Variants in EEFSEC observed in about 807,000 individuals in gnomAD.
EEFSEC encodes the protein selenocysteine-specific elongation factor.
A neutral mutation model predicts 42.1 loss-of-function variants in EEFSEC; 43 were observed. The ratio of observed to expected loss-of-function variants is 1.02; its 90% CI spans 0.80 to 1.32. The LOEUF (loss-of-function observed/expected upper bound fraction) is 1.32. EEFSEC is among the 40% of genes most tolerant of loss of function. EEFSEC has a pLI of 0.00. For missense variants in EEFSEC, 745 were observed against 803.6 expected (o/e 0.93, Z 0.88); for synonymous variants, 354 against 339.1 (o/e 1.04, Z -0.48).
intron 1 of EEFSEC, among the ~76,000 whole-genome samples, chr3:128,161,988 C>T (rs2107762121): frequency 6.6e-6 from 1 of 152,300 alleles, no homozygotes; most frequent in East Asian, 1.9e-4. Context: ...AGCAAACAAA[C>T]CAAACACCAC....
intron 5 of EEFSEC, among the ~76,000 whole-genome samples, chr3:128,345,654 CG>C (rs1175329017): frequency 6.6e-5 from 10 of 152,216 alleles, no homozygotes. Flanking sequence ...CTCTGTGATT[CG>C]GGGCAAGGCC....
At chr3:128,371,028 T>C (rs2067647409) in intron 6 of EEFSEC, among the ~76,000 whole-genome samples, 1 of 152,160 alleles carries the variant, frequency 6.6e-6, no homozygotes, top group Non-Finnish European at 1.5e-5. Flanking sequence ...ATTCATTGCT[T>C]GTTAAAATGA....
rs760390 is a variant in EEFSEC at position 128,323,915 on chromosome 3, C to T, written c.787-17318C>T. ...AGAAGGTACAGGTGTATCTCTGAGT[C>T]TGAGCGCCTCCCCCCCTGTGGCAGG... is the stretch of plus-strand genomic sequence containing the variant. On this transcript the variant is annotated intron_variant, in intron 4 of 6. Coordinates refer to ENST00000254730, the MANE Select transcript of EEFSEC (RefSeq NM_021937.5). Among the ~76,000 whole-genome samples the T allele has an allele frequency of 1.1e-4, 16 of 152,316 alleles. No individual in the cohort carries two copies. In the South Asian group the frequency reaches 2.7e-3, roughly 26 times the overall value.
chr3:128,285,451 A>G (rs1215529020), intron 4 of EEFSEC, among the ~76,000 whole-genome samples: 8 of 152,138 alleles, frequency 5.3e-5, no homozygotes, highest in Non-Finnish European at 1.2e-4. Flanking sequence ...GCTGGGCAGC[A>G]GGGACAGGCC....
At chr3:128,167,733 C>T (rs541575606) in intron 1 of EEFSEC, among the ~76,000 whole-genome samples, 1 of 152,318 alleles carries the variant, frequency 6.6e-6, no homozygotes, top group East Asian at 1.9e-4. Context: ...TCTCAAACAT[C>T]CTTCTGATTT....
At chr3:128,407,283 G>A (rs2068126740) in intron 6 of EEFSEC, among the ~76,000 whole-genome samples, 1 of 152,218 alleles carries the variant, frequency 6.6e-6, no homozygotes. Context: ...AGCGGTGGGG[G>A]CTGCACCCAC....
chr3:128,311,883 G>C (rs2066893817), intron 4 of EEFSEC, among the ~76,000 whole-genome samples: 1 of 152,158 alleles, frequency 6.6e-6, no homozygotes, highest in South Asian at 2.1e-4. Flanking sequence ...CTGTCCTGAG[G>C]ATGGAGTTGA....
chr3:128,261,958 G>T (rs1252231755), intron 2 of EEFSEC, among the ~76,000 whole-genome samples, 170 bp from the exon 3 acceptor site: 3 of 152,140 alleles, frequency 2.0e-5, no homozygotes, highest in Non-Finnish European at 4.4e-5. Flanking sequence ...GGCCTCCATT[G>T]CATCATGTGC....
intron 4 of EEFSEC, among the ~76,000 whole-genome samples, chr3:128,329,274 C>T (rs115448214): frequency 0.015 from 2,268 of 152,238 alleles, 58 homozygotes; most frequent in African/African-American, 0.05. Context: ...CAGGCCAGTG[C>T]TCCTGCAGGA....
Position 128,213,730 on chromosome 3 carries a change from C to T in EEFSEC, c.317-33106C>T, listed in dbSNP as rs142310305. The stretch of plus-strand genomic sequence containing the variant: ...AAACTCACATACTTACTTTAATGTA[C>T]GTTAGAAAAAAATCAAATAAGTAGT... On this transcript the variant is annotated intron_variant, in intron 1 of 6. Transcript: ENST00000254730. 1.7e-3 allele frequency among the ~76,000 whole-genome samples: 255 copies of T among 150,974 alleles called. 1 individual carries two copies. The highest frequency in any genetic ancestry group is 6.2e-3 in the African/African-American group (250 of 40,514).
At chr3:128,156,699 AT>A (rs1425257954) in intron 1 of EEFSEC, among the ~76,000 whole-genome samples, 1 of 152,234 alleles carries the variant, frequency 6.6e-6, no homozygotes. Context: ...TACTATTGTA[AT>A]TTTGAAATGT....
intron 6 of EEFSEC, among the ~76,000 whole-genome samples, chr3:128,385,052 G>C (rs2067822622): frequency 6.6e-6 from 1 of 152,192 alleles, no homozygotes; most frequent in South Asian, 2.1e-4. Flanking sequence ...TAGATGTCAG[G>C]CTTCCTGGCC....
rs2068105375 is a variant in EEFSEC at position 128,406,017 on chromosome 3, C to T, written c.1601-2052C>T. ...CCCACTGGGGCTCCCTGTCCCATGC[C>T]ACTCTCACAGTGTCCCCATGAGCTT... is the stretch of plus-strand genomic sequence containing the variant. On this transcript the variant is annotated intron_variant, in intron 6 of 6. Coordinates refer to ENST00000254730, the MANE Select transcript of EEFSEC (RefSeq NM_021937.5). Among the ~76,000 whole-genome samples, 7 of 152,366 alleles carry T rather than the reference C, an allele frequency of 4.6e-5. No homozygotes were observed. The South Asian group carries it at 1.2e-3, about 27-fold the overall frequency.
intron 6 of EEFSEC, among the ~76,000 whole-genome samples, chr3:128,361,143 C>T (rs1273395056): frequency 5.9e-5 from 9 of 152,152 alleles, no homozygotes; most frequent in Admixed American, 5.9e-4. Context: ...ATGGGCCTCG[C>T]TGCCGGCTCT....
At chr3:128,260,978 A>AAAC (rs1553748467) in intron 2 of EEFSEC, among the ~76,000 whole-genome samples, 8 of 149,494 alleles carry the variant, frequency 5.4e-5, no homozygotes, top group Middle Eastern at 3.5e-3. Flanking sequence ...AAAAAAAAAA[A>AAAC]AAAACATTCA....
chr3:128,295,451 CTTT>C (rs201911929), intron 4 of EEFSEC, among the ~76,000 whole-genome samples: 12 of 64,004 alleles, frequency 1.9e-4, no homozygotes, highest in East Asian at 5.9e-4. Context: ...CTTCCCCCTA[CTTT>C]TTTTTTTTTT....
At chr3:128,273,095 T>C (rs2811416) in intron 4 of EEFSEC, among the ~76,000 whole-genome samples, 139,530 of 152,260 alleles carry the variant, frequency 0.92, 64,130 homozygotes, top group East Asian at 1. Flanking sequence ...ATCACCACCC[T>C]GTACAACTCT....
At chr3:128,230,355 A>G (rs759101871) in intron 1 of EEFSEC, among the ~76,000 whole-genome samples, 1 of 152,120 alleles carries the variant, frequency 6.6e-6, no homozygotes, top group East Asian at 1.9e-4. Flanking sequence ...AGGTCTCACT[A>G]TGTTGCCCAG....
At chr3:128,178,733 G>A (rs563733555) in intron 1 of EEFSEC, among the ~76,000 whole-genome samples, 27 of 152,006 alleles carry the variant, frequency 1.8e-4, no homozygotes, top group African/African-American at 2.7e-4. Context: ...TTTTCTGTAC[G>A]GTCTATCAAA....
Sources: gnomAD v4.1 joint callset for allele counts (sites outside exome capture counted in the v4.1 genomes callset) on GRCh38, gnomAD v4.1.1 for gene constraint, MANE v1.5 for transcripts, NCBI Gene and HGNC (gene_info 2026-07-23, HGNC 2026-07-21) for gene names.